The following PTPN22 variants were observed in gnomAD, a reference collection of about 807,000 sequenced individuals.
PTPN22 encodes tyrosine-protein phosphatase non-receptor type 22.
PTPN22 carries 85 observed loss-of-function variants against 103.3 expected under a neutral mutation model. That is an observed-to-expected ratio of 0.82 (90% CI 0.69 to 0.99). The LOEUF (loss-of-function observed/expected upper bound fraction) is 0.99. Among genes scored for constraint, PTPN22 ranks in the 50% least tolerant of loss-of-function variants. The pLI, the probability that PTPN22 is intolerant of heterozygous loss-of-function variation, is 0.00. For synonymous variants in PTPN22, 323 were observed against 310.2 expected (o/e 1.04, Z -0.43); for missense variants, 865 against 936.9 (o/e 0.92, Z 1.00).
At chr1:113,865,374 GA>G (rs568008429) in intron 1 of PTPN22, among the ~76,000 whole-genome samples, 1,756 of 151,360 alleles carry the variant, frequency 0.012, 19 homozygotes, top group Non-Finnish European at 0.019. Context: ...AAGAGGCTTT[GA>G]AAAAAAACAG....
intron 5 of PTPN22, 42 bp from the exon 6 acceptor site, chr1:113,856,661 T>G: frequency 1.2e-6 from 2 of 1,613,430 alleles, no homozygotes; most frequent in Non-Finnish European, 1.7e-6. Context: ...CTCCATATAT[T>G]CTAGTCTTTT....
intron 18 of PTPN22, among the ~76,000 whole-genome samples, chr1:113,827,822 A>T (rs890201267): frequency 7.3e-5 from 11 of 150,172 alleles, no homozygotes; most frequent in Admixed American, 2.7e-4. Flanking sequence ...TCTCTAATTT[A>T]AAAAAAAAAT....
At chr1:113,848,197 C>T (rs1416399395) in intron 11 of PTPN22, among the ~76,000 whole-genome samples, 2 of 150,620 alleles carry the variant, frequency 1.3e-5, no homozygotes, top group Non-Finnish European at 3.0e-5. Context: ...TACAGGTATG[C>T]CCCACCACTC....
chr1:113,825,513 C>T (rs1661968551), intron 18 of PTPN22, among the ~76,000 whole-genome samples: 1 of 152,040 alleles, frequency 6.6e-6, no homozygotes, highest in Non-Finnish European at 1.5e-5. Context: ...TCTTAGGCAA[C>T]ATAGCAAGAC....
chr1:113,814,285 T>G (rs1019844290), exon 21 of PTPN22: 3 of 152,242 alleles, frequency 2.0e-5, no homozygotes, highest in Non-Finnish European at 4.4e-5. Context: ...TGGTTAAAAC[T>G]TATCAGGATT....
intron 1 of PTPN22, among the ~76,000 whole-genome samples, chr1:113,866,953 C>T (rs1233024227): frequency 6.6e-6 from 1 of 152,104 alleles, no homozygotes; most frequent in Admixed American, 6.6e-5. Context: ...CATCATGTTG[C>T]CCAGGCTTGT....
intron 18 of PTPN22, among the ~76,000 whole-genome samples, chr1:113,827,300 C>T (rs1282946373): frequency 1.3e-4 from 20 of 152,102 alleles, no homozygotes; most frequent in Admixed American, 1.2e-3. Flanking sequence ...AGTAAAAATG[C>T]TCCCATCCTT....
At chr1:113,869,949 T>C (rs1666439983) in intron 1 of PTPN22, among the ~76,000 whole-genome samples, 1 of 152,186 alleles carries the variant, frequency 6.6e-6, no homozygotes, top group Non-Finnish European at 1.5e-5. Flanking sequence ...CATGTTGAGC[T>C]GACATCGGAG....
chr1:113,857,560 A>G, intron 5 of PTPN22, 178 bp downstream of exon 5: 1 of 543,212 alleles, frequency 1.8e-6, no homozygotes, highest in Non-Finnish European at 3.3e-6. Flanking sequence ...ACAAACAAAT[A>G]GGATTCTTAG....
intron 1 of PTPN22, among the ~76,000 whole-genome samples, chr1:113,865,356 C>A (rs982118851): frequency 6.6e-6 from 1 of 151,916 alleles, no homozygotes; most frequent in African/African-American, 2.4e-5. Context: ...AGTTTAAGTA[C>A]AGAGGTTAAG....
In PTPN22 at chr1:113,851,199, C is replaced by T. The variant is rs556328157; in HGVS notation, c.828+828G>A. The stretch of plus-strand genomic sequence containing the variant: ...ACAGAGTCTCACTCTGTTACCCAGG[C>T]TGGAGTGCAGTCGTGTGATCTCGGC... On this transcript the variant is annotated intron_variant, in intron 10 of 20. Transcript: ENST00000359785. Among the ~76,000 whole-genome samples the T allele has an allele frequency of 2.4e-4, 37 of 151,184 alleles. No individual in the cohort carries two copies. The South Asian group carries it at 5.8e-3, about 24-fold the overall frequency.
At chr1:113,852,149 TA>T (rs1664623742) in intron 9 of PTPN22, 45 bp from the exon 10 acceptor site, 1 of 1,401,892 alleles carries the variant, frequency 7.1e-7, no homozygotes, top group Admixed American at 1.8e-5. Context: ...ATTTTGTTAA[TA>T]AATTATTGCT....
At position 113,853,859 on chromosome 1, in the gene PTPN22, CTTTTTTTT is replaced by C. The variant is rs894010114; in HGVS notation, c.750+604_750+611del. Among the ~76,000 whole-genome samples the C allele has an allele frequency of 2.5e-4, 17 of 67,172 alleles. 1 individual carries two copies. The highest frequency in any genetic ancestry group is 9.8e-4 in the African/African-American group (15 of 15,232). 44.1% of individuals were successfully genotyped at this position (67,172 alleles called of 152,430 possible). On this transcript the variant is annotated intron_variant, in intron 9 of 20. Transcript: ENST00000359785. ...ACCATGCCTGGCTAATTTTTTTTTG[CTTTTTTTT>C]TTTTTTTTTTTTTTTTGAGACAGAG...
intron 1 of PTPN22, among the ~76,000 whole-genome samples, chr1:113,867,581 CCTCT>C (rs932893023): frequency 2.0e-4 from 30 of 152,294 alleles, no homozygotes; most frequent in African/African-American, 7.2e-4. Flanking sequence ...TTAATGTCTG[CCTCT>C]CTAAGACATA....
chr1:113,865,931 A>T (rs1051408222), intron 1 of PTPN22, among the ~76,000 whole-genome samples: 8 of 152,244 alleles, frequency 5.3e-5, no homozygotes, highest in African/African-American at 1.9e-4. Context: ...ATAGCTAATC[A>T]TGGGCATAAC....
intron 14 of PTPN22, 78 bp from the exon 15 acceptor site, chr1:113,834,517 A>G (rs1169917944): frequency 1.4e-6 from 2 of 1,424,390 alleles, no homozygotes; most frequent in Non-Finnish European, 2.0e-6. Flanking sequence ...CAAATAATAC[A>G]TAAAACATTG....
At chr1:113,825,046 A>ATAATATTG in intron 19 of PTPN22, 96 bp downstream of exon 19, 1 of 906,604 alleles carries the variant, frequency 1.1e-6, no homozygotes, top group Admixed American at 2.8e-5. Context: ...CTGTTTAGGA[A>ATAATATTG]TAATATTGTT....
At chr1:113,856,026 T>C (rs1216714192) in intron 7 of PTPN22, among the ~76,000 whole-genome samples, 2 of 152,196 alleles carry the variant, frequency 1.3e-5, no homozygotes. Flanking sequence ...TTTTTTCTTC[T>C]TCTTTGAGAC....
intron 18 of PTPN22, 132 bp downstream of exon 18, chr1:113,829,460 G>T: frequency 6.3e-5 from 30 of 479,404 alleles, no homozygotes; most frequent in South Asian, 2.7e-4. Context: ...TATTAATTTT[G>T]ACTGTTATAA....
Sources: allele counts gnomAD v4.1 joint callset (sites outside exome capture counted in the v4.1 genomes callset), GRCh38; gene constraint gnomAD v4.1.1; transcripts MANE v1.5; gene names NCBI Gene and HGNC (gene_info 2026-07-23, HGNC 2026-07-21).